Variants in PKNOX2 observed in about 807,000 individuals in gnomAD.
PKNOX2 encodes homeobox protein PKNOX2.
Under a neutral mutation model 53.1 loss-of-function variants are expected in PKNOX2, and 14 were observed. The ratio of observed to expected loss-of-function variants is 0.26; its 90% CI spans 0.17 to 0.41. PKNOX2 has a LOEUF of 0.41. Among genes scored for constraint, PKNOX2 ranks in the 10% least tolerant of loss-of-function variants. The pLI is 1.00. For synonymous variants in PKNOX2, 257 were observed against 242.8 expected (o/e 1.06, Z -0.54); for missense variants, 496 against 602.8 (o/e 0.82, Z 1.85).
intron 2 of PKNOX2, among the ~76,000 whole-genome samples, chr11:125,293,690 G>A (rs552883406): frequency 2.0e-5 from 3 of 152,092 alleles, no homozygotes; most frequent in South Asian, 4.2e-4. Flanking sequence ...TTGATGATCA[G>A]CCTCATGTGA....
At chr11:125,198,550 T>G (rs1342121525) in intron 1 of PKNOX2, among the ~76,000 whole-genome samples, 1 of 152,144 alleles carries the variant, frequency 6.6e-6, no homozygotes, top group African/African-American at 2.4e-5. Flanking sequence ...TCAGTACAAG[T>G]GAATTTGGAA....
intron 10 of PKNOX2, among the ~76,000 whole-genome samples, chr11:125,419,376 C>A (rs1956050218): frequency 6.6e-6 from 1 of 151,036 alleles, no homozygotes. Context: ...ATTGGCCTTG[C>A]CTTGGAAAAT....
At chr11:125,232,012 C>G (rs1377260597) in intron 1 of PKNOX2, among the ~76,000 whole-genome samples, 1 of 152,208 alleles carries the variant, frequency 6.6e-6, no homozygotes, top group Non-Finnish European at 1.5e-5. Flanking sequence ...TGGGAGTTCA[C>G]TACCTTCCAA....
intron 5 of PKNOX2, among the ~76,000 whole-genome samples, chr11:125,369,585 C>A (rs1952411411): frequency 6.6e-6 from 1 of 152,152 alleles, no homozygotes; most frequent in Admixed American, 6.5e-5. Flanking sequence ...GCTACGTGGT[C>A]AGAGCAACAG....
intron 2 of PKNOX2, among the ~76,000 whole-genome samples, chr11:125,315,360 T>C (rs1949109348): frequency 6.6e-6 from 1 of 150,654 alleles, no homozygotes; most frequent in Non-Finnish European, 1.5e-5. Context: ...TGATGCGTTA[T>C]TAATCCTTGT....
chr11:125,298,218 CAG>C (rs939950261), intron 2 of PKNOX2, among the ~76,000 whole-genome samples: 6 of 152,274 alleles, frequency 3.9e-5, no homozygotes, highest in African/African-American at 1.4e-4. Context: ...GAGGTTCAGA[CAG>C]GGGTAGATGA....
chr11:125,289,122 G>A (rs971995831), intron 2 of PKNOX2, among the ~76,000 whole-genome samples: 3 of 152,110 alleles, frequency 2.0e-5, no homozygotes, highest in Non-Finnish European at 2.9e-5. Flanking sequence ...CAGAGGATGG[G>A]CAGTGGCAGG....
At chr11:125,194,419 T>C (rs939633217) in intron 1 of PKNOX2, among the ~76,000 whole-genome samples, 2 of 152,182 alleles carry the variant, frequency 1.3e-5, no homozygotes, top group African/African-American at 2.4e-5. Flanking sequence ...GAGCAGGTGC[T>C]GGGGGATTCA....
chr11:125,395,429 TA>T (rs1442105040), intron 6 of PKNOX2, among the ~76,000 whole-genome samples: 3 of 152,258 alleles, frequency 2.0e-5, no homozygotes, highest in Admixed American at 1.3e-4. Context: ...TTCTCTGGGA[TA>T]AATGCCCAAG....
chr11:125,288,991 T>A (rs1303694634), intron 2 of PKNOX2, among the ~76,000 whole-genome samples: 1 of 152,270 alleles, frequency 6.6e-6, no homozygotes, highest in South Asian at 2.1e-4. Flanking sequence ...GGGGACCATG[T>A]CTTATGTATC....
At chr11:125,211,693 C>T (rs113839341) in intron 1 of PKNOX2, among the ~76,000 whole-genome samples, 3 of 152,144 alleles carry the variant, frequency 2.0e-5, no homozygotes, top group South Asian at 2.1e-4. Context: ...AGGGTGGAGC[C>T]GGCTGCTCGG....
chr11:125,294,308 C>T lies in PKNOX2; in HGVS notation c.-129-37511C>T, dbSNP rs538785614. ...ACCCAGAAGCCTGAGGTAAGCCCCC[C>T]CATCTTATGGAGCTTGGCGAAAAGG... On this transcript the variant is annotated intron_variant, in intron 2 of 12. Transcript: ENST00000298282. 2.0e-5 allele frequency among the ~76,000 whole-genome samples: 3 copies of T among 152,272 alleles called. No individual in the cohort carries two copies. The South Asian group carries it at 6.2e-4, about 32-fold the overall frequency.
intron 10 of PKNOX2, among the ~76,000 whole-genome samples, chr11:125,425,241 TCA>T (rs1956351098): frequency 6.6e-6 from 1 of 152,170 alleles, no homozygotes; most frequent in Admixed American, 6.5e-5. Context: ...TGTGTCAAGG[TCA>T]CACAATGTTA....
At chr11:125,176,093 C>T (rs1591469381) in intron 1 of PKNOX2, among the ~76,000 whole-genome samples, 1 of 152,154 alleles carries the variant, frequency 6.6e-6, no homozygotes, top group East Asian at 1.9e-4. Flanking sequence ...GCGTGAGTTC[C>T]CCTGGGATTC....
In PKNOX2 at chr11:125,391,266, C is replaced by T. The variant is rs575078265; in HGVS notation, c.399+5544C>T. Reference sequence around the variant, plus strand: ...AATATTGCCTGTGTCCCTGTGGTGACGAGACTCAAATGAGATAATGGAGAG... The same window carrying T: ...AATATTGCCTGTGTCCCTGTGGTGATGAGACTCAAATGAGATAATGGAGAG... On this transcript the variant is annotated intron_variant, in intron 6 of 12. Transcript: ENST00000298282. 3.9e-5 allele frequency among the ~76,000 whole-genome samples: 6 copies of T among 152,154 alleles called. No homozygotes were observed. The South Asian group carries it at 6.2e-4, about 16-fold the overall frequency.
intron 2 of PKNOX2, among the ~76,000 whole-genome samples, chr11:125,317,488 G>A (rs957974668): frequency 2.0e-5 from 3 of 152,248 alleles, no homozygotes; most frequent in African/African-American, 4.8e-5. Flanking sequence ...TCTGTGGGCT[G>A]CAGAATGGAT....
At chr11:125,307,952 C>A (rs1948569865) in intron 2 of PKNOX2, among the ~76,000 whole-genome samples, 1 of 152,134 alleles carries the variant, frequency 6.6e-6, no homozygotes, top group Non-Finnish European at 1.5e-5. Flanking sequence ...AATGTACTGC[C>A]AAGGCTAGGG....
At chr11:125,296,926 G>C (rs1335437522) in intron 2 of PKNOX2, among the ~76,000 whole-genome samples, 1 of 152,182 alleles carries the variant, frequency 6.6e-6, no homozygotes, top group South Asian at 2.1e-4. Flanking sequence ...GAGCCATGGC[G>C]CTCAGCGGTT....
chr11:125,178,625 AGAAAGAAAGAAAGAAAGAAAGAAG>A lies in PKNOX2; in HGVS notation c.-201+13853_-201+13876del, dbSNP rs1305041016. ...AGGAAGGAAGGAAAGAAAGAAAGAAAGAAAGAAAGAAAGAAAGAAAGAAGGAAGGAAGGAAGGAAGGAAGGAAAG... is the reference window on the plus strand; with the variant it reads ...AGGAAGGAAGGAAAGAAAGAAAGAAAGAAGGAAGGAAGGAAGGAAGGAAAG... On this transcript the variant is annotated intron_variant, in intron 1 of 12. Transcript: ENST00000298282. 3.7e-4 allele frequency among the ~76,000 whole-genome samples: 29 copies of A among 77,936 alleles called. No homozygotes were observed. In the East Asian group the frequency reaches 0.011, roughly 29 times the overall value. The allele number at this position is 77,936 out of a possible 152,430, so 51.1% of individuals were successfully genotyped here. A position where few individuals can be genotyped will look rare whatever the true frequency, so the allele number is the denominator to read the frequency against.
Sources: gnomAD v4.1 joint callset for allele counts (sites outside exome capture counted in the v4.1 genomes callset) on GRCh38, gnomAD v4.1.1 for gene constraint, MANE v1.5 for transcripts, NCBI Gene and HGNC (gene_info 2026-07-23, HGNC 2026-07-21) for gene names.